CFAP20DC: variants seen among roughly 807,000 people sequenced by gnomAD.
The protein encoded by CFAP20DC is CFAP20 domain containing.
CFAP20DC carries 84 observed loss-of-function variants against 101.7 expected under a neutral mutation model. That is an observed-to-expected ratio of 0.83 (90% confidence interval 0.69 to 0.99). The LOEUF (loss-of-function observed/expected upper bound fraction) is 0.99, where lower values mean the gene tolerates loss of function less well. Among genes scored for constraint, CFAP20DC ranks in the 50% least tolerant of loss-of-function variants. The pLI is 0.00. For missense variants in CFAP20DC, 1,007 were observed against 970.3 expected, an observed-to-expected ratio of 1.04 and a Z score of -0.50; for synonymous variants, 359 against 351.2, an observed-to-expected ratio of 1.02 and a Z score of -0.25.
At chr3:58,773,372 G>A (rs1387075431) in intron 15 of CFAP20DC, among the ~76,000 whole-genome samples, 10 of 147,802 alleles carry the variant, frequency 6.8e-5, no homozygotes, top group Non-Finnish European at 1.0e-4. Context: ...GCAATATAGT[G>A]AGACCTCATC....
chr3:58,878,488 T>C (rs1385732349), intron 7 of CFAP20DC, among the ~76,000 whole-genome samples: 1 of 152,154 alleles, frequency 6.6e-6, no homozygotes, highest in Non-Finnish European at 1.5e-5. Flanking sequence ...CTTTTTTTCT[T>C]TACTCTTAAT....
chr3:58,779,217 A>G (rs1361361163), intron 15 of CFAP20DC, among the ~76,000 whole-genome samples: 1 of 152,242 alleles, frequency 6.6e-6, no homozygotes, highest in African/African-American at 2.4e-5. Flanking sequence ...CAATATAAAA[A>G]TATCAGAAAA....
intron 14 of CFAP20DC, among the ~76,000 whole-genome samples, chr3:58,821,128 T>TA (rs1394196313): frequency 6.6e-6 from 1 of 151,904 alleles, no homozygotes; most frequent in Non-Finnish European, 1.5e-5. Context: ...CCTTACACCT[T>TA]ATATAAAAAT....
rs1243511645 is a variant in CFAP20DC at position 59,015,508 on chromosome 3, G to A, written c.278+24049C>T. On this transcript the variant is annotated intron_variant, in intron 4 of 16. Coordinates refer to ENST00000482387, the MANE Select transcript of CFAP20DC (RefSeq NM_001394063.1). This position sits in a 1 kb window ranked among gnomAD's most constrained non-coding sequence, Gnocchi z 5.4. ...AAGGAAGAGAAAGAAGAAACAAAAT[G>A]GCAGAAAAGGGGAGAAAGAAAAAGG... Among the ~76,000 whole-genome samples the A allele has an allele frequency of 6.6e-6, 1 of 151,594 alleles. No individual in the cohort carries two copies. The highest frequency in any genetic ancestry group is 2.4e-5 in the African/African-American group (1 of 41,242).
chr3:59,026,641 T>C (rs1286171126), intron 4 of CFAP20DC, among the ~76,000 whole-genome samples: 2 of 152,120 alleles, frequency 1.3e-5, no homozygotes, highest in African/African-American at 4.8e-5. Flanking sequence ...ACCGATGACA[T>C]ATGAAAAGAT....
rs376111613 is a variant in CFAP20DC at position 58,869,302 on chromosome 3, A to T, written c.1015+26T>A. The T allele has an allele frequency of 2.4e-5, 38 of 1,575,098 alleles. No individual in the cohort carries two copies. Among genetic ancestry groups the T allele is most frequent in the Non-Finnish European group, 3.3e-5 (38 of 1,151,474 alleles). On this transcript the variant is annotated intron_variant, in intron 9 of 16. Transcript: ENST00000482387. This position sits in a 1 kb window ranked among gnomAD's most constrained non-coding sequence, Gnocchi z 4.3. ...TTTCTCACTATTTTCACTAGCTATC[A>T]ATCTTTATGCATGATTATTTCTTAC... is the stretch of plus-strand genomic sequence containing the variant.
At chr3:58,763,234 TTTCTTTTTA>T (rs2069845210) in intron 15 of CFAP20DC, among the ~76,000 whole-genome samples, 1 of 152,220 alleles carries the variant, frequency 6.6e-6, no homozygotes, top group Admixed American at 6.5e-5. Flanking sequence ...GCTTTCTTCA[TTTCTTTTTA>T]TTCTTTTTTC....
intron 4 of CFAP20DC, chr3:59,019,092 T>A (rs1054198112): frequency 6.6e-6 from 1 of 152,160 alleles, no homozygotes; most frequent in African/African-American, 2.4e-5. Context: ...AAAAAGTTTT[T>A]TAAAAAATTA....
intron 3 of CFAP20DC, among the ~76,000 whole-genome samples, chr3:58,725,585 GAAGT>G (rs1333859350): frequency 6.6e-6 from 1 of 152,180 alleles, no homozygotes; most frequent in Non-Finnish European, 1.5e-5. Flanking sequence ...TTACTTGCAA[GAAGT>G]AAGGACACCC....
intron 6 of CFAP20DC, among the ~76,000 whole-genome samples, chr3:58,893,592 A>G (rs540860741): frequency 2.0e-5 from 3 of 152,234 alleles, no homozygotes; most frequent in African/African-American, 7.2e-5. Context: ...ATTGGCCTTA[A>G]GTTTTCTTTT....
chr3:59,045,435 CAT>C (rs1289239131), intron 3 of CFAP20DC, among the ~76,000 whole-genome samples: 3 of 151,716 alleles, frequency 2.0e-5, no homozygotes, highest in Non-Finnish European at 2.9e-5. Flanking sequence ...ATATTTAAAA[CAT>C]AGGACGTAGT....
At chr3:58,975,171 C>A (rs539949980) in intron 4 of CFAP20DC, among the ~76,000 whole-genome samples, 1 of 152,258 alleles carries the variant, frequency 6.6e-6, no homozygotes, top group East Asian at 1.9e-4. Flanking sequence ...GCTTTCTACT[C>A]TTCACATGAC....
intron 16 of CFAP20DC, among the ~76,000 whole-genome samples, chr3:58,747,217 T>G (rs1174133938): frequency 1.3e-5 from 2 of 152,160 alleles, no homozygotes; most frequent in Non-Finnish European, 2.9e-5. Context: ...TTTCAGATAA[T>G]AATCTATTTA....
At chr3:59,026,824 A>G (rs2093901268) in intron 4 of CFAP20DC, among the ~76,000 whole-genome samples, 1 of 152,206 alleles carries the variant, frequency 6.6e-6, no homozygotes, top group Non-Finnish European at 1.5e-5. Flanking sequence ...CACTAGTAAC[A>G]GTACGGAAAA....
Position 58,749,805 on chromosome 3 carries a change from G to C in CFAP20DC, c.2332+3964C>G, listed in dbSNP as rs543842932. Reference sequence around the variant, plus strand: ...AAAAACAAATTGACAACTATTCTTTGAGCAAAGTATGGTTCATTTTCAAAA... The same window carrying C: ...AAAAACAAATTGACAACTATTCTTTCAGCAAAGTATGGTTCATTTTCAAAA... On this transcript the variant is annotated intron_variant, in intron 16 of 16. Coordinates refer to ENST00000482387, the MANE Select transcript of CFAP20DC (RefSeq NM_001394063.1). Among the ~76,000 whole-genome samples, 3 of 152,286 alleles carry C rather than the reference G, an allele frequency of 2.0e-5. No homozygotes were observed. The East Asian group carries it at 5.8e-4, about 29-fold the overall frequency.
chr3:58,901,134 T>G (rs2083109199), intron 6 of CFAP20DC, among the ~76,000 whole-genome samples: 2 of 152,202 alleles, frequency 1.3e-5, no homozygotes, highest in Admixed American at 1.3e-4. Flanking sequence ...GCACAGTGCT[T>G]TAGTTATGTG....
At chr3:58,959,574 A>G (rs550165435) in intron 4 of CFAP20DC, among the ~76,000 whole-genome samples, 2 of 152,334 alleles carry the variant, frequency 1.3e-5, no homozygotes, top group African/African-American at 2.4e-5. Context: ...TCAACTGGCC[A>G]TAAATGTAAG....
intron 3 of CFAP20DC, among the ~76,000 whole-genome samples, chr3:58,733,313 T>C (rs1177279072): frequency 1.3e-5 from 2 of 151,934 alleles, no homozygotes; most frequent in Non-Finnish European, 2.9e-5. Flanking sequence ...GCCTGGGTGA[T>C]AGGGCAAGAC....
chr3:58,964,895 TA>T lies in CFAP20DC; in HGVS notation c.279-27134del, dbSNP rs2091420319. The stretch of plus-strand genomic sequence containing the variant: ...AAATGATATGGACAGTCTAACACAA[TA>T]GTGGACACTTGAAACCACTACTGAA... On this transcript the variant is annotated intron_variant, in intron 4 of 16. Transcript: ENST00000482387. The surrounding 1 kb of genome is among the most constrained non-coding windows in gnomAD (Gnocchi z 4.1). Among the ~76,000 whole-genome samples the T allele has an allele frequency of 6.6e-6, 1 of 152,206 alleles. No individual in the cohort carries two copies. Among genetic ancestry groups the T allele is most frequent in the Non-Finnish European group, 1.5e-5 (1 of 68,034 alleles).
Sources: gnomAD v4.1 joint callset for allele counts (sites outside exome capture counted in the v4.1 genomes callset) on GRCh38, gnomAD v4.1.1 for gene constraint, Gnocchi (gnomAD v3.1) non-coding constraint, MANE v1.5 for transcripts, NCBI Gene and HGNC (gene_info 2026-07-23, HGNC 2026-07-21) for gene names.